Variants in CSMD2 observed in about 807,000 individuals in gnomAD.
CSMD2 encodes CUB and sushi domain-containing protein 2.
CSMD2 carries 130 observed loss-of-function variants against 398.5 expected under a neutral mutation model. The observed-to-expected ratio is 0.33, with a 90% CI of 0.28 to 0.38. CSMD2 has a LOEUF of 0.38. CSMD2 is among the 10% of genes least tolerant of loss of function. The pLI, the probability that CSMD2 is intolerant of heterozygous loss-of-function variation, is 1.00. For synonymous variants in CSMD2, 1,828 were observed against 1,908.5 expected (o/e 0.96, Z 1.10); for missense variants, 3,829 against 4,764.9 (o/e 0.80, Z 5.78).
intron 1 of CSMD2, among the ~76,000 whole-genome samples, chr1:34,104,309 G>C (rs752790634): frequency 5.3e-5 from 8 of 152,128 alleles, no homozygotes; most frequent in Non-Finnish European, 8.8e-5. Context: ...AAATTTCTCA[G>C]TTGGTTCCCT....
intron 5 of CSMD2, among the ~76,000 whole-genome samples, chr1:33,916,227 A>AAT (rs1283641405): frequency 2.0e-5 from 3 of 152,168 alleles, no homozygotes; most frequent in Non-Finnish European, 4.4e-5. Context: ...GGTCATATTA[A>AAT]ATATATATAA....
chr1:33,927,282 C>T lies in CSMD2; in HGVS notation c.712+8478G>A, dbSNP rs80262909. Among the ~76,000 whole-genome samples the T allele has an allele frequency of 3.3e-5, 5 of 152,276 alleles. No homozygotes were observed. The South Asian group carries it at 8.3e-4, about 25-fold the overall frequency. On this transcript the variant is annotated intron_variant, in intron 4 of 70. Transcript: ENST00000373381. Reference sequence around the variant, plus strand: ...CATTTATCCTTGGCTTTATCAATGACACTCCTTAAAATGAAGAAATGACCA... The same window carrying T: ...CATTTATCCTTGGCTTTATCAATGATACTCCTTAAAATGAAGAAATGACCA...
intron 5 of CSMD2, among the ~76,000 whole-genome samples, chr1:33,908,820 G>C (rs1460534646): frequency 6.6e-6 from 1 of 152,240 alleles, no homozygotes; most frequent in Admixed American, 6.5e-5. Context: ...CTCCGCGGCA[G>C]AGCTTGTAAT....
chr1:33,776,781 A>G (rs1015316788), intron 12 of CSMD2, among the ~76,000 whole-genome samples: 23 of 152,110 alleles, frequency 1.5e-4, no homozygotes, highest in Non-Finnish European at 2.9e-4. Context: ...CAAGAGGCTT[A>G]GAATGAAGAA....
At chr1:33,907,749 G>C (rs1643191983) in intron 5 of CSMD2, among the ~76,000 whole-genome samples, 1 of 152,160 alleles carries the variant, frequency 6.6e-6, no homozygotes, top group African/African-American at 2.4e-5. Flanking sequence ...GACTGTCATT[G>C]CTAGTTTTTT....
At chr1:33,772,103 T>C (rs1416078030) in intron 13 of CSMD2, 1 of 154,184 alleles carries the variant, frequency 6.5e-6, no homozygotes, top group Non-Finnish European at 1.4e-5. Flanking sequence ...CAATATGAGA[T>C]AAAGCAATTT....
Position 33,980,985 on chromosome 1 carries a change from G to A in CSMD2, c.518-45031C>T, listed in dbSNP as rs140890831. Among the ~76,000 whole-genome samples, 444 of 152,276 alleles carry A rather than the reference G, an allele frequency of 2.9e-3. 1 individual carries two copies. Among genetic ancestry groups the A allele is most frequent in the African/African-American group, 0.01 (422 of 41,556 alleles). On this transcript the variant is annotated intron_variant, in intron 3 of 70. Coordinates refer to ENST00000373381, the MANE Select transcript of CSMD2 (RefSeq NM_001281956.2). ...GAAAGTAACATGGTGGAGCATGGGA[G>A]GGGAGGGAAAAGTTACTTCAGAATA...
chr1:33,778,638 C>A (rs573891190), intron 12 of CSMD2, among the ~76,000 whole-genome samples: 1 of 152,302 alleles, frequency 6.6e-6, no homozygotes, highest in African/African-American at 2.4e-5. Flanking sequence ...TGCATGGAAA[C>A]CGTGCCAAAT....
chr1:33,825,670 CA>C, intron 7 of CSMD2, 26 bp downstream of exon 7: 1 of 1,609,670 alleles, frequency 6.2e-7, no homozygotes, highest in Non-Finnish European at 8.5e-7. Flanking sequence ...AGAGGCCCGG[CA>C]GGCGGGCTGG....
intron 9 of CSMD2, 89 bp downstream of exon 9, chr1:33,819,624 G>T: frequency 3.2e-6 from 4 of 1,241,270 alleles, no homozygotes; most frequent in Non-Finnish European, 4.6e-6. Flanking sequence ...CTGCTTGAGA[G>T]CCTGGGCCTC....
chr1:33,945,291 A>G (rs1644805478), intron 3 of CSMD2, among the ~76,000 whole-genome samples: 1 of 152,202 alleles, frequency 6.6e-6, no homozygotes, highest in South Asian at 2.1e-4. Context: ...GATATTTGGA[A>G]TATGCTTATA....
chr1:34,109,240 A>G (rs1382601), intron 1 of CSMD2, among the ~76,000 whole-genome samples: 29,751 of 152,156 alleles, frequency 0.2, 3,141 homozygotes, highest in South Asian at 0.38. Context: ...CTCATTTTAC[A>G]TATAAAGGAA....
At chr1:33,765,634 A>C (rs1386364361) in intron 13 of CSMD2, among the ~76,000 whole-genome samples, 2 of 152,234 alleles carry the variant, frequency 1.3e-5, no homozygotes, top group African/African-American at 4.8e-5. Flanking sequence ...TCTCAGATCC[A>C]TGGCAGAATA....
At chr1:34,081,071 G>C (rs1000925076) in intron 2 of CSMD2, among the ~76,000 whole-genome samples, 1 of 152,042 alleles carries the variant, frequency 6.6e-6, no homozygotes, top group Non-Finnish European at 1.5e-5. Flanking sequence ...TAGGATAATA[G>C]ACTTGACACT....
chr1:33,584,499 A>G (rs930385868), intron 46 of CSMD2, among the ~76,000 whole-genome samples: 1 of 152,030 alleles, frequency 6.6e-6, no homozygotes, highest in Non-Finnish European at 1.5e-5. Context: ...GTGAAGCCCC[A>G]TTTCTACTAA....
intron 2 of CSMD2, among the ~76,000 whole-genome samples, chr1:34,041,351 C>T (rs1409936577): frequency 2.0e-5 from 3 of 152,118 alleles, no homozygotes; most frequent in Admixed American, 6.5e-5. Flanking sequence ...TCCTGGAATG[C>T]CAGGTCTATG....
At chr1:33,632,392 T>A (rs988425230) in intron 32 of CSMD2, among the ~76,000 whole-genome samples, 1 of 152,130 alleles carries the variant, frequency 6.6e-6, no homozygotes, top group African/African-American at 2.4e-5. Flanking sequence ...TTTATGTAGC[T>A]TATAAAATAT....
chr1:33,605,733 T>C (rs1334295066), intron 41 of CSMD2: 5 of 809,808 alleles, frequency 6.2e-6, no homozygotes, highest in Non-Finnish European at 1.0e-5. Flanking sequence ...GTAAATAGTA[T>C]CTATTATTAG....
At chr1:33,557,617 GAC>G (rs10579079) in intron 55 of CSMD2, 115 bp downstream of exon 55, 34,196 of 657,318 alleles carry the variant, frequency 0.052, 848 homozygotes, top group African/African-American at 0.16. Context: ...TACATGTGCA[GAC>G]ACACACACAC....
Sources: allele counts gnomAD v4.1 joint callset (sites outside exome capture counted in the v4.1 genomes callset), GRCh38; gene constraint gnomAD v4.1.1; transcripts MANE v1.5; gene names NCBI Gene and HGNC (gene_info 2026-07-23, HGNC 2026-07-21).